Variants in RBM41 observed in about 807,000 individuals in gnomAD.
RBM41 encodes the protein RNA binding motif protein 41.
A neutral mutation model predicts 30.8 loss-of-function variants in RBM41; 14 were observed. The ratio of observed to expected loss-of-function variants is 0.45; its 90% CI spans 0.30 to 0.71. The LOEUF is 0.71. Among genes scored for constraint, RBM41 ranks in the 30% least tolerant of loss-of-function variants. The pLI is 0.08. For synonymous variants in RBM41, 120 were observed against 110.1 expected, an observed-to-expected ratio of 1.09 and a Z score of -0.56; for missense variants, 276 against 326.3, an observed-to-expected ratio of 0.85 and a Z score of 1.19.
At chrX:107,116,293 G>T in intron 2 of RBM41, 1 of 909,027 alleles carries the variant, frequency 1.1e-6, no homozygotes, top group Non-Finnish European at 1.4e-6. Flanking sequence ...CAGATACTCT[G>T]CTAGGTACTA....
intron 5 of RBM41, among the ~76,000 whole-genome samples, chrX:107,090,193 G>A (rs1307308092): frequency 9.0e-6 from 1 of 110,909 alleles, no homozygotes; most frequent in Non-Finnish European, 1.9e-5. Flanking sequence ...GGCCAATATG[G>A]TGAAACCCCA....
At chrX:107,118,662 C>T in intron 1 of RBM41, 104 bp downstream of exon 1, 1 of 1,068,696 alleles carries the variant, frequency 9.4e-7, no homozygotes. Flanking sequence ...AAACCGCATC[C>T]TGAGAACGTG....
At chrX:107,101,350 TA>T (rs1351952240) in intron 5 of RBM41, among the ~76,000 whole-genome samples, 2 of 111,757 alleles carry the variant, frequency 1.8e-5, no homozygotes, top group African/African-American at 6.5e-5. Flanking sequence ...TGTACTGGGT[TA>T]AATAGAATCC....
At chrX:107,059,019 C>T (rs1935606309), downstream of RBM41, among the ~76,000 whole-genome samples, 2 of 111,618 alleles carry the variant, frequency 1.8e-5, no homozygotes, top group South Asian at 7.6e-4. Context: ...TTTCTTACCT[C>T]CCCTATAAGC....
intron 5 of RBM41, among the ~76,000 whole-genome samples, chrX:107,093,122 G>C (rs1307915718): frequency 3.6e-5 from 4 of 111,430 alleles, no homozygotes; most frequent in East Asian, 5.6e-4. Context: ...AATAAATAAG[G>C]ATTCCTCCCT....
chrX:107,070,689 A>C (rs1936024194), intron 6 of RBM41, among the ~76,000 whole-genome samples: 1 of 111,520 alleles, frequency 9.0e-6, no homozygotes, highest in East Asian at 2.8e-4. Flanking sequence ...ACCATAACTA[A>C]TATCCTCAGG....
the RBM41 span, among the ~76,000 whole-genome samples, chrX:107,052,570 G>T: frequency 9.0e-6 from 1 of 111,251 alleles, no homozygotes; most frequent in Non-Finnish European, 1.9e-5. Context: ...CTCAGGAGGG[G>T]TGCCTTTGAT....
At chrX:107,075,200 G>C (rs1936186963) in intron 6 of RBM41, among the ~76,000 whole-genome samples, 1 of 112,025 alleles carries the variant, frequency 8.9e-6, no homozygotes, top group Non-Finnish European at 1.9e-5. Context: ...AGACAAGACA[G>C]CCACATGCTA....
intron 5 of RBM41, among the ~76,000 whole-genome samples, chrX:107,090,834 C>T (rs1281013863): frequency 1.8e-5 from 2 of 109,799 alleles, no homozygotes; most frequent in African/African-American, 3.3e-5. Context: ...GATACATGTG[C>T]TGAATATGCA....
At chrX:107,090,329 G>A (rs1025107732) in intron 5 of RBM41, among the ~76,000 whole-genome samples, 14 of 111,542 alleles carry the variant, frequency 1.3e-4, no homozygotes, top group Non-Finnish European at 2.1e-4. Flanking sequence ...AGCCGAGATC[G>A]CGCCACTGCA....
the RBM41 span, among the ~76,000 whole-genome samples, chrX:107,056,311 T>A: frequency 8.9e-6 from 1 of 111,971 alleles, no homozygotes; most frequent in Non-Finnish European, 1.9e-5. Context: ...CTTGAGGACT[T>A]TTGTATCTGT....
Position 107,066,912 on chromosome X carries a change from A to C in RBM41, c.*615T>G, listed in dbSNP as rs111227703. The stretch of plus-strand genomic sequence containing the variant: ...TAGCTTAAATGGCTGTGAGAACACC[A>C]ACATTTTGATCTAAAATATTTCACT... On this transcript the variant is annotated 3_prime_UTR_variant, in exon 8 of 8. Coordinates refer to ENST00000685964, the MANE Select transcript of RBM41 (RefSeq NM_001324242.2). The C allele has an allele frequency of 5.4e-3, 3,975 of 742,789 alleles. 120 individuals carry two copies. In the African/African-American group the frequency reaches 0.084, roughly 16 times the overall value. 61.2% of individuals were successfully genotyped at this position (742,789 alleles called of 1,213,427 possible).
At chrX:107,101,750 G>C (rs1231824441) in intron 5 of RBM41, among the ~76,000 whole-genome samples, 2 of 112,244 alleles carry the variant, frequency 1.8e-5, no homozygotes, top group Non-Finnish European at 3.8e-5. Flanking sequence ...CTACTTCCCA[G>C]TACCAAAGTC....
intron 5 of RBM41, among the ~76,000 whole-genome samples, chrX:107,112,062 T>C (rs1335115496): frequency 9.0e-6 from 1 of 111,326 alleles, no homozygotes; most frequent in Non-Finnish European, 1.9e-5. Context: ...AAAAAAAGTT[T>C]GCCCTGCAAA....
At chrX:107,103,071 A>G (rs1373847493) in intron 5 of RBM41, among the ~76,000 whole-genome samples, 2 of 110,774 alleles carry the variant, frequency 1.8e-5, no homozygotes, top group Admixed American at 1.9e-4. Flanking sequence ...TGGTATTTAG[A>G]TGATATTTGG....
At chrX:107,069,695 TC>T (rs1935977450) in intron 6 of RBM41, 1 of 168,679 alleles carries the variant, frequency 5.9e-6, no homozygotes, top group Admixed American at 7.7e-5. Flanking sequence ...ACTCAGGTGA[TC>T]CACCCGCCTT....
chrX:107,116,269 T>C (rs1359777036), intron 2 of RBM41: 2 of 941,758 alleles, frequency 2.1e-6, no homozygotes, highest in South Asian at 1.0e-4. Context: ...ATTTATTGAG[T>C]ACTTACTATG....
Position 107,118,752 on chromosome X carries a change from A to G in RBM41, c.8+14T>C, listed in dbSNP as rs368212876. The stretch of plus-strand genomic sequence containing the variant: ...AAGCTCCCCTTGCCGCCTGCTCTTC[A>G]GACAAGTCCTTACCTCTTCATGTTT... On this transcript the variant is annotated intron_variant, in intron 1 of 7. Coordinates refer to ENST00000685964, the MANE Select transcript of RBM41 (RefSeq NM_001324242.2). 8.3e-6 allele frequency: 10 copies of G among 1,210,100 alleles called. No individual in the cohort carries two copies. The African/African-American group carries it at 1.2e-4, about 15-fold the overall frequency.
chrX:107,052,502 C>T, the RBM41 span, among the ~76,000 whole-genome samples: 4 of 110,811 alleles, frequency 3.6e-5, no homozygotes, highest in Admixed American at 1.9e-4. Flanking sequence ...GACTGACGAC[C>T]GCTCTACCTG....
Sources: allele counts gnomAD v4.1 joint callset (sites outside exome capture counted in the v4.1 genomes callset), GRCh38; gene constraint gnomAD v4.1.1; transcripts MANE v1.5; gene names NCBI Gene and HGNC (gene_info 2026-07-23, HGNC 2026-07-21).